The following ECM2 variants were observed in gnomAD, a reference collection of about 807,000 sequenced individuals.
The protein encoded by ECM2 is extracellular matrix protein 2, female organ and adipocyte specific.
In ECM2, 57 loss-of-function variants were observed where a neutral mutation model predicts 67.5. That is an observed-to-expected ratio of 0.84 (90% confidence interval 0.68 to 1.05). The LOEUF is 1.05. Ranked by LOEUF, ECM2 falls within the 50% of genes least tolerant of loss-of-function variation. The pLI is 0.00. For synonymous variants in ECM2, 258 were observed against 294.5 expected, an observed-to-expected ratio of 0.88 and a Z score of 1.27; for missense variants, 741 against 822.8, an observed-to-expected ratio of 0.90 and a Z score of 1.22.
chr9:92,521,260 A>C lies in ECM2; in HGVS notation c.292+1315T>G, dbSNP rs16908430. 7.0e-3 allele frequency among the ~76,000 whole-genome samples: 1,072 copies of C among 152,342 alleles called. 14 individuals are homozygous for C. The highest frequency in any genetic ancestry group is 0.024 in the African/African-American group (998 of 41,568). On this transcript the variant is annotated intron_variant, in intron 2 of 9. Coordinates refer to ENST00000344604, the MANE Select transcript of ECM2 (RefSeq NM_001393.4). ...TTTTTTTAAACAAGTTTGAGATCAC[A>C]TTATGAATACTTCTTTTTCAGCCTT...
At chr9:92,554,165 T>G in the ECM2 span, among the ~76,000 whole-genome samples, 1 of 151,626 alleles carries the variant, frequency 6.6e-6, no homozygotes, top group African/African-American at 2.4e-5. Flanking sequence ...ATTAAGATTA[T>G]CATGTGATTT....
At chr9:92,552,992 A>G in the ECM2 span, among the ~76,000 whole-genome samples, 89 of 151,298 alleles carry the variant, frequency 5.9e-4, no homozygotes, top group Middle Eastern at 0.01. Context: ...TTTTAAGCCA[A>G]TGTCTAGAAG....
At position 92,522,661 on chromosome 9, in the gene ECM2, A is replaced by G; in HGVS notation, c.206T>C (p.Ile69Thr). 2 of 1,614,158 alleles carry G rather than the reference A, an allele frequency of 1.2e-6. No homozygotes were observed. Among genetic ancestry groups the G allele is most frequent in the Non-Finnish European group, 1.7e-6 (2 of 1,180,022 alleles). The change falls in exon 2 of 10, where the codon ATT becomes ACT. Residue 69 changes from isoleucine to threonine, a missense_variant. Physicochemically the swap from Ile to Thr is moderately conservative, Grantham distance 89. Coordinates refer to ENST00000344604, the MANE Select transcript of ECM2 (RefSeq NM_001393.4). ...TVFTPVARLP[I>T]VNFDYSMEEK... ...CTCCATGCTATAATCAAAGTTAACA[A>G]TAGGAAGTCTTGCTACTGGTGTAAA...
At chr9:92,545,633 C>A in the ECM2 span, among the ~76,000 whole-genome samples, 1 of 152,214 alleles carries the variant, frequency 6.6e-6, no homozygotes, top group Non-Finnish European at 1.5e-5. Flanking sequence ...GGAGTGCGGG[C>A]ACAGGGCGCG....
chr9:92,505,821 A>G, intron 6 of ECM2, 131 bp from the exon 7 acceptor site: 1 of 695,136 alleles, frequency 1.4e-6, no homozygotes, highest in Non-Finnish European at 2.4e-6. Context: ...AAACCTTTGT[A>G]TCCTCCTATA....
chr9:92,512,230 AG>A, intron 4 of ECM2, 104 bp from the exon 5 acceptor site: 2 of 639,822 alleles, frequency 3.1e-6, no homozygotes, highest in Non-Finnish European at 5.3e-6. Context: ...CTTTGTCTGG[AG>A]GAGAAAGCAA....
chr9:92,512,196 G>A, intron 4 of ECM2, 70 bp from the exon 5 acceptor site: 1 of 997,534 alleles, frequency 1.0e-6, no homozygotes, highest in Non-Finnish European at 1.6e-6. Context: ...GTATGGGCAT[G>A]TGTGCATAGA....
chr9:92,507,147 A>C (rs1481782979), intron 6 of ECM2, among the ~76,000 whole-genome samples: 1 of 152,212 alleles, frequency 6.6e-6, no homozygotes, highest in East Asian at 1.9e-4. Context: ...TGGGGATGGC[A>C]GGACAAGGGC....
chr9:92,493,886 C>T (rs975708958), downstream of ECM2: 6 of 379,398 alleles, frequency 1.6e-5, no homozygotes, highest in East Asian at 1.6e-4. Context: ...AGTTGAGAAG[C>T]GACATACACA....
chr9:92,512,675 G>A (rs555427598), intron 4 of ECM2, among the ~76,000 whole-genome samples: 218 of 152,270 alleles, frequency 1.4e-3, no homozygotes, highest in African/African-American at 4.8e-3. Context: ...AAAGGTTCCT[G>A]TATGCTTTAA....
chr9:92,497,876 A>T (rs1242106876), intron 9 of ECM2, among the ~76,000 whole-genome samples: 10 of 44,158 alleles, frequency 2.3e-4, no homozygotes, highest in Admixed American at 6.5e-4. Flanking sequence ...TGGTTGTTTA[A>T]AAAAAAAAAA....
In ECM2 at chr9:92,503,114, G is replaced by A. The variant is rs546521191; in HGVS notation, c.1465-462C>T. The stretch of plus-strand genomic sequence containing the variant: ...AGTTGTCAAATTTTATAACTAATTA[G>A]TAAAATAAAACACACTGCCATGGTT... On this transcript the variant is annotated intron_variant, in intron 7 of 9. Coordinates refer to ENST00000344604, the MANE Select transcript of ECM2 (RefSeq NM_001393.4). 2.0e-5 allele frequency among the ~76,000 whole-genome samples: 3 copies of A among 152,146 alleles called. No homozygotes were observed. In the South Asian group the frequency reaches 6.2e-4, roughly 32 times the overall value.
the ECM2 span, among the ~76,000 whole-genome samples, chr9:92,546,911 A>C: frequency 2.0e-5 from 3 of 152,210 alleles, no homozygotes; most frequent in Admixed American, 1.3e-4. Context: ...ACAGGTCTCT[A>C]TATTCTTCAC....
At chr9:92,532,034 A>ATTTTTTTTTTTTTTTTTTTTTTTTTTTTT (rs58499748) in intron 1 of ECM2, among the ~76,000 whole-genome samples, 1 of 98,248 alleles carries the variant, frequency 1.0e-5, no homozygotes. Flanking sequence ...TTTTTATTTT[A>ATTTTTTTTTTTTTTTTTTTTTTTTTTTTT]TTTTTTTTTT....
Position 92,526,791 on chromosome 9 carries a change from T to A in ECM2, c.-27-3898A>T, listed in dbSNP as rs544352906. Among the ~76,000 whole-genome samples, 15 of 152,238 alleles carry A rather than the reference T, an allele frequency of 9.9e-5. 1 individual carries two copies. The highest frequency in any genetic ancestry group is 3.6e-4 in the African/African-American group (15 of 41,564). Reference sequence around the variant, plus strand: ...TATTGAAGAAATAAAAAAACTTTTTTATAAATTTAGTAGACTCTTAGTGTA... The same window carrying A: ...TATTGAAGAAATAAAAAAACTTTTTAATAAATTTAGTAGACTCTTAGTGTA... On this transcript the variant is annotated intron_variant, in intron 1 of 9. Coordinates refer to ENST00000344604, the MANE Select transcript of ECM2 (RefSeq NM_001393.4).
chr9:92,507,099 GACA>G (rs948157984), intron 6 of ECM2, among the ~76,000 whole-genome samples: 6 of 152,052 alleles, frequency 3.9e-5, no homozygotes, highest in Non-Finnish European at 8.8e-5. Flanking sequence ...TTGCACCCTG[GACA>G]ACAACGTCTG....
intron 6 of ECM2, among the ~76,000 whole-genome samples, chr9:92,506,694 T>C (rs571651850): frequency 6.7e-6 from 1 of 148,282 alleles, no homozygotes; most frequent in South Asian, 2.2e-4. Flanking sequence ...GTGAGTGGTA[T>C]GAAAGTGCCA....
chr9:92,511,875 A>T (rs1461500896), intron 5 of ECM2, 136 bp downstream of exon 5: 1 of 581,006 alleles, frequency 1.7e-6, no homozygotes, highest in Admixed American at 3.3e-5. Context: ...CAAATTAGGG[A>T]CATCAGAGAG....
At chr9:92,534,302 G>A (rs1849037627) in intron 1 of ECM2, among the ~76,000 whole-genome samples, 1 of 152,168 alleles carries the variant, frequency 6.6e-6, no homozygotes, top group East Asian at 1.9e-4. Flanking sequence ...GGTCAGCTCA[G>A]TTTCCCCTCT....
Sources: allele counts gnomAD v4.1 joint callset (sites outside exome capture counted in the v4.1 genomes callset), GRCh38; gene constraint gnomAD v4.1.1; transcripts MANE v1.5; gene names NCBI Gene and HGNC (gene_info 2026-07-23, HGNC 2026-07-21).